The following LYST variants were observed in gnomAD, a reference collection of about 807,000 sequenced individuals.
LYST encodes the protein lysosomal trafficking regulator.
Under a neutral mutation model 413.6 loss-of-function variants are expected in LYST, and 192 were observed. The observed-to-expected ratio is 0.46, with a 90% confidence interval of 0.41 to 0.52. LYST has a LOEUF of 0.52. Among genes scored for constraint, LYST ranks in the 20% least tolerant of loss-of-function variants. The pLI is 0.00. For synonymous variants in LYST, 1,525 were observed against 1,567.3 expected (o/e 0.97, Z 0.64); for missense variants, 3,815 against 4,499.9 (o/e 0.85, Z 4.35).
intron 28 of LYST, among the ~76,000 whole-genome samples, chr1:235,750,575 T>C (rs1396790950): frequency 2.6e-5 from 4 of 152,210 alleles, no homozygotes; most frequent in Non-Finnish European, 5.9e-5. Flanking sequence ...CCACTATGTA[T>C]ATATATGTAT....
At position 235,707,495 on chromosome 1, in the gene LYST, C is replaced by A. The variant is rs191946652; in HGVS notation, c.10143+1596G>T. On this transcript the variant is annotated intron_variant, in intron 44 of 52. Transcript: ENST00000389793. ...AAAATTAGCCAGGTGCGGTGGTGGG[C>A]GCCTGTAATCCCAACTCCTTGGGAG... 1.8e-4 allele frequency among the ~76,000 whole-genome samples: 28 copies of A among 152,040 alleles called. 1 individual carries two copies. In the East Asian group the frequency reaches 4.8e-3, roughly 26 times the overall value.
Position 235,702,841 on chromosome 1 carries a change from A to G in LYST, c.10280T>C (p.Leu3427Pro). 1 of 1,614,034 alleles carries G rather than the reference A, an allele frequency of 6.2e-7. No individual in the cohort carries two copies. Among genetic ancestry groups the G allele is most frequent in the Non-Finnish European group, 8.5e-7 (1 of 1,180,004 alleles). Reference sequence around the variant, plus strand: ...AGCTGGAAGCTCTCCTTCAATATTGAGCTTGGCTCCAGGTCTGCTCACATG... The same window carrying G: ...AGCTGGAAGCTCTCCTTCAATATTGGGCTTGGCTCCAGGTCTGCTCACATG... ...MAHVSRPGAKLNIEGELPAAV... is the reference protein window; with the variant it reads ...MAHVSRPGAKPNIEGELPAAV... The change falls in exon 45 of 53, where the codon CTC becomes CCC. Residue 3427 changes from leucine (L) to proline (P), a missense_variant. By Grantham distance (98) the Leu-to-Pro change is moderately conservative (BLOSUM62 -3). This residue lies in a region of LYST where 866 missense variants were observed against 1,156.0 expected (regional missense o/e 0.75). Coordinates refer to ENST00000389793, the MANE Select transcript of LYST (RefSeq NM_000081.4).
chr1:235,830,358 G>A lies in LYST; in HGVS notation c.60C>T (p.Cys20=). 1 of 1,613,742 alleles carries A rather than the reference G, an allele frequency of 6.2e-7. No homozygotes were observed. Among genetic ancestry groups the A allele is most frequent in the Non-Finnish European group, 8.5e-7 (1 of 1,179,866 alleles). ...REFLTDVNRL[C]NAVVQRVEAR... is the part of the protein sequence containing the mutation. Reference sequence around the variant, plus strand: ...CCTCCACCCTCTGGACCACTGCATTGCAAAGCCGGTTGACATCGGTCAGAA... The same window carrying A: ...CCTCCACCCTCTGGACCACTGCATTACAAAGCCGGTTGACATCGGTCAGAA... Residue 20 remains cysteine (C), a synonymous_variant, in exon 3 of 53, where the codon TGC becomes TGT. Coordinates refer to ENST00000389793, the MANE Select transcript of LYST (RefSeq NM_000081.4).
At chr1:235,853,517 CAGTAAGGCAGTAG>C in intron 1 of LYST, among the ~76,000 whole-genome samples, 1 of 151,720 alleles carries the variant, frequency 6.6e-6, no homozygotes. Context: ...TGTATAACAG[CAGTAAGGCAGTAG>C]TTCTGGGGGA....
intron 45 of LYST, among the ~76,000 whole-genome samples, chr1:235,698,600 G>A (rs927546812): frequency 1.3e-5 from 2 of 152,076 alleles, no homozygotes; most frequent in South Asian, 2.1e-4. Context: ...GGCCGGGCGC[G>A]GTGGCTCAAG....
At chr1:235,817,897 T>C (rs1040467934) in intron 3 of LYST, among the ~76,000 whole-genome samples, 1 of 152,066 alleles carries the variant, frequency 6.6e-6, no homozygotes, top group African/African-American at 2.4e-5. Flanking sequence ...ACCACAAAAA[T>C]GATCTATTCA....
At chr1:235,734,315 C>T (rs1437306301) in intron 32 of LYST, among the ~76,000 whole-genome samples, 168 bp downstream of exon 32, 2 of 151,392 alleles carry the variant, frequency 1.3e-5, no homozygotes, top group East Asian at 3.9e-4. Context: ...TAAAATAAGC[C>T]TATTTTTTCT....
intron 46 of LYST, among the ~76,000 whole-genome samples, chr1:235,695,142 C>CTT (rs1660987003): frequency 6.6e-6 from 1 of 152,174 alleles, no homozygotes; most frequent in East Asian, 1.9e-4. Context: ...ATTTACAGGC[C>CTT]AATAAGCATT....
At chr1:235,845,714 C>T (rs751173124) in intron 1 of LYST, among the ~76,000 whole-genome samples, 111 of 152,170 alleles carry the variant, frequency 7.3e-4, no homozygotes, top group Middle Eastern at 3.4e-3. Context: ...CGACTGCTGG[C>T]TTTCCCCCAC....
At chr1:235,862,390 T>C (rs189745527) in intron 1 of LYST, among the ~76,000 whole-genome samples, 124 of 152,302 alleles carry the variant, frequency 8.1e-4, no homozygotes, top group African/African-American at 2.8e-3. Context: ...TAATTCATAA[T>C]TTCAAATTGC....
At chr1:235,676,768 A>T (rs1477484156) in intron 50 of LYST, among the ~76,000 whole-genome samples, 3 of 152,206 alleles carry the variant, frequency 2.0e-5, no homozygotes, top group African/African-American at 7.2e-5. Context: ...GCAGAAGCAA[A>T]AAAGGGGAGA....
At chr1:235,723,744 T>C (rs899665271) in intron 39 of LYST, among the ~76,000 whole-genome samples, 3 of 152,140 alleles carry the variant, frequency 2.0e-5, no homozygotes, top group Non-Finnish European at 4.4e-5. Context: ...AGAGAAATGG[T>C]GGCCGAAGGG....
intron 1 of LYST, among the ~76,000 whole-genome samples, chr1:235,873,032 T>G (rs943842270): frequency 7.9e-5 from 12 of 152,146 alleles, no homozygotes; most frequent in Admixed American, 6.5e-4. Flanking sequence ...CGGCCTATCT[T>G]GAAGGAGAAA....
chr1:235,764,118 AGGC>A (rs1259760460), intron 21 of LYST, among the ~76,000 whole-genome samples: 1 of 152,158 alleles, frequency 6.6e-6, no homozygotes, highest in Non-Finnish European at 1.5e-5. Context: ...TTTACCTGGA[AGGC>A]CCTTTTCTCT....
intron 4 of LYST, 123 bp downstream of exon 4, chr1:235,812,848 T>C: frequency 1.4e-6 from 1 of 706,300 alleles, no homozygotes; most frequent in East Asian, 2.7e-5. Context: ...TCATATTTAG[T>C]ATGAATAAAT....
At chr1:235,757,163 T>C in intron 24 of LYST, 118 bp downstream of exon 24, 1 of 668,640 alleles carries the variant, frequency 1.5e-6, no homozygotes, top group Non-Finnish European at 2.5e-6. Flanking sequence ...TATTAGTTCA[T>C]TATTCTAAAA....
chr1:235,866,193 C>T (rs1232570860), intron 1 of LYST, among the ~76,000 whole-genome samples: 1 of 152,136 alleles, frequency 6.6e-6, no homozygotes, highest in African/African-American at 2.4e-5. Flanking sequence ...AGCGAAGGGG[C>T]ATCTCAGTCA....
intron 3 of LYST, among the ~76,000 whole-genome samples, chr1:235,815,967 T>C (rs550391032): frequency 3.3e-5 from 5 of 149,888 alleles, no homozygotes; most frequent in East Asian, 2.0e-4. Flanking sequence ...CCATCTCTAC[T>C]AAAAATACAA....
At chr1:235,841,055 G>A (rs1273261148) in intron 1 of LYST, among the ~76,000 whole-genome samples, 2 of 152,186 alleles carry the variant, frequency 1.3e-5, no homozygotes, top group Admixed American at 6.5e-5. Flanking sequence ...CACACCAGGT[G>A]AGCTGAGTCC....
Sources: gnomAD v4.1 joint callset for allele counts (sites outside exome capture counted in the v4.1 genomes callset) on GRCh38, gnomAD v4.1.1 for gene constraint, gnomAD v4.1.1 regional missense constraint, MANE v1.5 for transcripts, NCBI Gene and HGNC (gene_info 2026-07-23, HGNC 2026-07-21) for gene names.